The following MEMO1 variants were observed in gnomAD, a reference collection of about 807,000 sequenced individuals.
MEMO1 encodes mediator of cell motility 1, also known as protein MEMO1.
MEMO1 carries 6 observed loss-of-function variants against 45.2 expected under a neutral mutation model. The observed-to-expected ratio is 0.13, with a 90% confidence interval of 0.07 to 0.26. MEMO1 has a LOEUF of 0.26. MEMO1 is among the 10% of genes least tolerant of loss of function. The pLI is 1.00. For missense variants in MEMO1, 184 were observed against 370.5 expected (o/e 0.50, Z 4.13); for synonymous variants, 78 against 124.3 (o/e 0.63, Z 2.48).
In MEMO1 at chr2:31,987,811, T is replaced by A. The variant is rs567819497; in HGVS notation, c.61+22376A>T. Among the ~76,000 whole-genome samples the A allele has an allele frequency of 5.5e-4, 81 of 146,516 alleles. 1 individual carries two copies. The South Asian group carries it at 0.017, about 31-fold the overall frequency. ...TAACTGCTATATATTAAAACCACCT[T>A]AGTGTATGGTAAAAAAAGCAGATAG... is the stretch of plus-strand genomic sequence containing the variant. On this transcript the variant is annotated intron_variant, in intron 2 of 9. Coordinates refer to ENST00000404530, the MANE Select transcript of MEMO1 (RefSeq NM_001301833.4).
chr2:31,935,110 T>G (rs1473562998), intron 3 of MEMO1, among the ~76,000 whole-genome samples: 2 of 152,194 alleles, frequency 1.3e-5, no homozygotes, highest in African/African-American at 4.8e-5. Flanking sequence ...ATTATTATTA[T>G]TGTCATTTTA....
intron 2 of MEMO1, among the ~76,000 whole-genome samples, chr2:31,966,015 T>A (rs1480353786): frequency 1.3e-5 from 2 of 152,192 alleles, no homozygotes; most frequent in African/African-American, 4.8e-5. Context: ...ACTTACTTTA[T>A]ATGGAGTGGT....
At chr2:31,902,572 A>G (rs1243560982) in intron 6 of MEMO1, among the ~76,000 whole-genome samples, 1 of 152,196 alleles carries the variant, frequency 6.6e-6, no homozygotes, top group African/African-American at 2.4e-5. Context: ...TGAAAAAAAC[A>G]GAAAAAACAG....
intron 2 of MEMO1, among the ~76,000 whole-genome samples, chr2:31,998,814 G>GA (rs1672919987): frequency 6.7e-6 from 1 of 149,214 alleles, no homozygotes; most frequent in Admixed American, 6.7e-5. Flanking sequence ...AAAAAAAAAA[G>GA]AAAAAATCAT....
chr2:31,919,715 TG>T (rs1681983422), intron 5 of MEMO1, among the ~76,000 whole-genome samples: 1 of 152,062 alleles, frequency 6.6e-6, no homozygotes, highest in South Asian at 2.1e-4. Context: ...CCTACCTACT[TG>T]GGAGGCTGGG....
intron 2 of MEMO1, among the ~76,000 whole-genome samples, chr2:31,957,079 T>A (rs566651695): frequency 6.6e-6 from 1 of 151,230 alleles, no homozygotes; most frequent in African/African-American, 2.4e-5. Flanking sequence ...GAGGTGGAGA[T>A]TGCGGTGAAA....
intron 6 of MEMO1, among the ~76,000 whole-genome samples, chr2:31,899,023 A>G (rs1487135689): frequency 6.6e-6 from 1 of 152,170 alleles, no homozygotes; most frequent in Non-Finnish European, 1.5e-5. Flanking sequence ...ATCAGAGACA[A>G]GGGAATAAGA....
chr2:31,877,765 A>G (rs1360928563), intron 8 of MEMO1, among the ~76,000 whole-genome samples: 4 of 152,090 alleles, frequency 2.6e-5, no homozygotes, highest in African/African-American at 7.2e-5. Context: ...TGTACCTTCT[A>G]ATTTAGTTGT....
rs944850506 is a variant in MEMO1, at chr2:31,969,325, ATG to A, written c.62-25944_62-25943del. Among the ~76,000 whole-genome samples the A allele has an allele frequency of 1.5e-4, 22 of 150,126 alleles. 2 individuals carry two copies. The South Asian group carries it at 2.7e-3, about 19-fold the overall frequency. ...ATATACACATATATACATGTGTGAT[ATG>A]TGTGTATATATACACATTATACATA... On this transcript the variant is annotated intron_variant, in intron 2 of 9. Coordinates refer to ENST00000404530, the MANE Select transcript of MEMO1 (RefSeq NM_001301833.4).
At chr2:32,005,632 G>A (rs1198469412) in intron 2 of MEMO1, among the ~76,000 whole-genome samples, 1 of 152,020 alleles carries the variant, frequency 6.6e-6, no homozygotes, top group Non-Finnish European at 1.5e-5. Context: ...TCTATACCAT[G>A]ATCAGAGACT....
At chr2:31,896,655 G>C (rs965193542) in intron 6 of MEMO1, among the ~76,000 whole-genome samples, 3 of 151,810 alleles carry the variant, frequency 2.0e-5, no homozygotes, top group Non-Finnish European at 2.9e-5. Context: ...ATCTATACAA[G>C]AAAAAAAGTT....
chr2:32,004,139 C>G (rs1177419227), intron 2 of MEMO1, among the ~76,000 whole-genome samples: 2 of 152,118 alleles, frequency 1.3e-5, no homozygotes, highest in African/African-American at 4.8e-5. Flanking sequence ...TGTGATCACA[C>G]CATTGCCATC....
At chr2:31,991,813 C>G (rs1468716704) in intron 2 of MEMO1, among the ~76,000 whole-genome samples, 2 of 152,214 alleles carry the variant, frequency 1.3e-5, no homozygotes, top group East Asian at 3.9e-4. Context: ...ACTGGTCAAT[C>G]TGATTTCTAA....
chr2:31,917,095 C>A (rs898959206), intron 6 of MEMO1, among the ~76,000 whole-genome samples: 10 of 152,200 alleles, frequency 6.6e-5, no homozygotes, highest in African/African-American at 2.4e-4. Context: ...TTTATTAGTA[C>A]ATTTAATTAA....
At chr2:31,962,964 CA>C (rs1668197642) in intron 2 of MEMO1, among the ~76,000 whole-genome samples, 1 of 152,214 alleles carries the variant, frequency 6.6e-6, no homozygotes, top group Non-Finnish European at 1.5e-5. Flanking sequence ...CTGCCTAAAA[CA>C]AAAAGGTTGA....
intron 7 of MEMO1, among the ~76,000 whole-genome samples, chr2:31,890,928 A>G (rs1169815055): frequency 1.3e-5 from 2 of 152,216 alleles, no homozygotes; most frequent in Non-Finnish European, 1.5e-5. Context: ...CCTTATGCAA[A>G]AAACTAATCT....
intron 8 of MEMO1, among the ~76,000 whole-genome samples, chr2:31,873,249 T>C (rs1219825710): frequency 1.3e-5 from 2 of 152,118 alleles, no homozygotes; most frequent in Non-Finnish European, 2.9e-5. Context: ...TGGGTCACTA[T>C]ACTACCCATT....
intron 3 of MEMO1, among the ~76,000 whole-genome samples, chr2:31,934,801 T>C (rs1465861437): frequency 1.3e-5 from 2 of 152,102 alleles, no homozygotes; most frequent in South Asian, 2.1e-4. Context: ...AACTAGCAAT[T>C]AGAGGCAGGA....
chr2:31,963,168 G>A lies in MEMO1; in HGVS notation c.62-19785C>T, dbSNP rs756261190. The A allele has an allele frequency of 2.3e-5, 35 of 1,537,472 alleles. 1 individual carries two copies. Among genetic ancestry groups the A allele is most frequent in the African/African-American group, 1.9e-4 (14 of 73,004 alleles). The stretch of plus-strand genomic sequence containing the variant: ...AGGGCTTCAGACTCAAAGTGAAACC[G>A]CACCGTCAGCTCTCCTGGGTCTCCA... On this transcript the variant is annotated intron_variant, in intron 2 of 9. Coordinates refer to ENST00000404530, the MANE Select transcript of MEMO1 (RefSeq NM_001301833.4).
Sources: gnomAD v4.1 joint callset for allele counts (sites outside exome capture counted in the v4.1 genomes callset) on GRCh38, gnomAD v4.1.1 for gene constraint, MANE v1.5 for transcripts, NCBI Gene and HGNC (gene_info 2026-07-23, HGNC 2026-07-21) for gene names.